The following TAFA4 variants were observed in gnomAD, a reference collection of about 807,000 sequenced individuals.
TAFA4 encodes the protein TAFA chemokine like family member 4, also known as chemokine-like protein TAFA-4.
A neutral mutation model predicts 21.1 loss-of-function variants in TAFA4; 20 were observed. That is an observed-to-expected ratio of 0.95 (90% CI 0.67 to 1.38). TAFA4 has a LOEUF of 1.38. TAFA4 is among the 40% of genes most tolerant of loss of function. The probability of loss-of-function intolerance (pLI) is 0.00; values close to 1 mark genes in which losing one functional copy is unlikely to be tolerated. For missense variants in TAFA4, 211 were observed against 180.9 expected, an observed-to-expected ratio of 1.17 and a Z score of -0.95; for synonymous variants, 71 against 67.4, an observed-to-expected ratio of 1.05 and a Z score of -0.26.
intron 3 of TAFA4, among the ~76,000 whole-genome samples, chr3:68,800,354 G>A (rs1349123585): frequency 6.6e-6 from 1 of 152,172 alleles, no homozygotes; most frequent in Non-Finnish European, 1.5e-5. Context: ...GAGCAACTCA[G>A]TTTGTGATCA....
At chr3:68,840,758 T>C (rs2314314) in intron 3 of TAFA4, among the ~76,000 whole-genome samples, 52,915 of 151,992 alleles carry the variant, frequency 0.35, 9,544 homozygotes, top group African/African-American at 0.38. Flanking sequence ...GTAAACTCTC[T>C]TCATGCATGG....
At chr3:68,754,283 TC>T (rs1702617920) in intron 3 of TAFA4, among the ~76,000 whole-genome samples, 1 of 152,234 alleles carries the variant, frequency 6.6e-6, no homozygotes, top group African/African-American at 2.4e-5. Context: ...ATAGCTATTT[TC>T]CCCCTGATCA....
intron 1 of TAFA4, among the ~76,000 whole-genome samples, chr3:68,905,248 C>CGCCTCCT (rs1214852030): frequency 1.3e-5 from 2 of 151,226 alleles, no homozygotes; most frequent in African/African-American, 4.9e-5. Flanking sequence ...CTCCGCCTCC[C>CGCCTCCT]GCCTCCTGCC....
chr3:68,753,055 T>C (rs1211950496), intron 3 of TAFA4, 37 bp from the exon 4 acceptor site: 1 of 1,592,576 alleles, frequency 6.3e-7, no homozygotes, highest in Non-Finnish European at 8.6e-7. Flanking sequence ...AACCCAGTGC[T>C]GTTAGAAGGA....
intron 3 of TAFA4, among the ~76,000 whole-genome samples, chr3:68,765,895 G>C (rs1468993622): frequency 2.0e-5 from 3 of 152,066 alleles, no homozygotes; most frequent in African/African-American, 7.2e-5. Flanking sequence ...TCAATGCATG[G>C]GGCTGACAGC....
rs748970494 is a variant in TAFA4 at position 68,803,881 on chromosome 3, G to A, written c.131-50863C>T. ...GGGCAGTGGTGTGATCTCGGCTCACGGCAACCTCCACCTCCCAGGTTCAAG... is the reference window on the plus strand; with the variant it reads ...GGGCAGTGGTGTGATCTCGGCTCACAGCAACCTCCACCTCCCAGGTTCAAG... On this transcript the variant is annotated intron_variant, in intron 3 of 5. Transcript: ENST00000295569. Among the ~76,000 whole-genome samples the A allele has an allele frequency of 7.5e-5, 10 of 134,044 alleles. No homozygotes were observed. The South Asian group carries it at 1.5e-3, about 20-fold the overall frequency. The allele number at this position is 134,044 out of a possible 152,430, so 87.9% of individuals were successfully genotyped here. A position where few individuals can be genotyped will look rare whatever the true frequency, so the allele number is the denominator to read the frequency against.
chr3:68,854,384 G>A (rs534516854), intron 3 of TAFA4, among the ~76,000 whole-genome samples: 1 of 152,140 alleles, frequency 6.6e-6, no homozygotes, highest in Non-Finnish European at 1.5e-5. Context: ...TTATTCTAAG[G>A]ACTATGGGAG....
In TAFA4 at chr3:68,732,697, A is replaced by C. The variant is rs949809853; in HGVS notation, c.*445T>G. Reference sequence around the variant, plus strand: ...CTACATCTGCAAATATGTTTTGCCAAAATCTTTTTAGACCCCTTTAAAACC... The same window carrying C: ...CTACATCTGCAAATATGTTTTGCCACAATCTTTTTAGACCCCTTTAAAACC... On this transcript the variant is annotated 3_prime_UTR_variant, in exon 6 of 6. Coordinates refer to ENST00000295569, the MANE Select transcript of TAFA4 (RefSeq NM_182522.5). 9 of 156,916 alleles carry C rather than the reference A, an allele frequency of 5.7e-5. No individual in the cohort carries two copies. The highest frequency in any genetic ancestry group is 2.2e-4 in the African/African-American group (9 of 41,630). The allele number at this position is 156,916 out of a possible 1,614,324, so 9.7% of individuals were successfully genotyped here.
intron 3 of TAFA4, among the ~76,000 whole-genome samples, chr3:68,814,664 G>C (rs1288245677): frequency 5.3e-5 from 8 of 152,212 alleles, no homozygotes; most frequent in Non-Finnish European, 1.0e-4. Context: ...AAATAAAAGA[G>C]GATACAAACA....
chr3:68,922,138 C>T (rs1425199173), intron 1 of TAFA4, among the ~76,000 whole-genome samples: 1 of 152,178 alleles, frequency 6.6e-6, no homozygotes, highest in Admixed American at 6.5e-5. Flanking sequence ...ATAAAAATCT[C>T]TGTATTAAAA....
At chr3:68,861,402 A>G (rs1240039953) in intron 3 of TAFA4, among the ~76,000 whole-genome samples, 1 of 152,018 alleles carries the variant, frequency 6.6e-6, no homozygotes, top group East Asian at 1.9e-4. Context: ...GTTTGATTCA[A>G]TATTCTCTCA....
At chr3:68,854,431 C>A (rs1163231646) in intron 3 of TAFA4, among the ~76,000 whole-genome samples, 1 of 151,972 alleles carries the variant, frequency 6.6e-6, no homozygotes, top group Non-Finnish European at 1.5e-5. Flanking sequence ...GTGACATGAT[C>A]AGCTATGTGG....
chr3:68,841,530 T>A (rs1020692652), intron 3 of TAFA4, among the ~76,000 whole-genome samples: 2 of 152,098 alleles, frequency 1.3e-5, no homozygotes, highest in African/African-American at 4.8e-5. Context: ...GTTGATTTAC[T>A]AGAGGGGTTT....
chr3:68,759,524 G>A (rs1287228179), intron 3 of TAFA4, among the ~76,000 whole-genome samples: 2 of 152,148 alleles, frequency 1.3e-5, no homozygotes, highest in South Asian at 4.1e-4. Flanking sequence ...TGTTCAATAA[G>A]CCTGGTACCA....
At chr3:68,930,694 G>A (rs1426794956) in intron 1 of TAFA4, among the ~76,000 whole-genome samples, 2 of 152,304 alleles carry the variant, frequency 1.3e-5, no homozygotes, top group East Asian at 1.9e-4. Context: ...TCGTCATAAT[G>A]ATTCTGAAAA....
chr3:68,842,302 G>C (rs1704683077), intron 3 of TAFA4, among the ~76,000 whole-genome samples: 1 of 152,192 alleles, frequency 6.6e-6, no homozygotes, highest in African/African-American at 2.4e-5. Flanking sequence ...GGCCAGTAAT[G>C]ATGAGCTTTT....
intron 4 of TAFA4, among the ~76,000 whole-genome samples, chr3:68,748,618 C>T (rs968409809): frequency 6.6e-6 from 1 of 152,116 alleles, no homozygotes. Flanking sequence ...GTGGCACGCA[C>T]CTGTAGTCCC....
At chr3:68,786,255 C>T (rs942721684) in intron 3 of TAFA4, among the ~76,000 whole-genome samples, 3 of 151,990 alleles carry the variant, frequency 2.0e-5, no homozygotes, top group Admixed American at 1.3e-4. Flanking sequence ...TATCCTGGAA[C>T]TTAAAATTAA....
At position 68,819,185 on chromosome 3, in the gene TAFA4, C is replaced by A. The variant is rs143522342; in HGVS notation, c.130+61545G>T. ...TATCTGAAGGCTGAGGTGGGAGAAC[C>A]ACTTGAGCCTGGAGGCGGAGGTTGC... On this transcript the variant is annotated intron_variant, in intron 3 of 5. Transcript: ENST00000295569. Among the ~76,000 whole-genome samples the A allele has an allele frequency of 7.1e-3, 1,070 of 151,030 alleles. 14 individuals are homozygous for A. The highest frequency in any genetic ancestry group is 0.024 in the African/African-American group (996 of 41,014).
Sources: allele counts gnomAD v4.1 joint callset (sites outside exome capture counted in the v4.1 genomes callset), GRCh38; gene constraint gnomAD v4.1.1; transcripts MANE v1.5; gene names NCBI Gene and HGNC (gene_info 2026-07-23, HGNC 2026-07-21).